Variants in NDUFV1 observed in about 807,000 individuals in gnomAD.
NDUFV1 encodes the protein NADH:ubiquinone oxidoreductase core subunit V1, also known as NADH dehydrogenase [ubiquinone] flavoprotein 1, mitochondrial.
In NDUFV1, 41 loss-of-function variants were observed where a neutral mutation model predicts 48.7. That is an observed-to-expected ratio of 0.84 (90% CI 0.66 to 1.09). The LOEUF is 1.09. Ranked by LOEUF, NDUFV1 falls within the 50% of genes least tolerant of loss-of-function variation. NDUFV1 has a pLI of 0.00. For synonymous variants in NDUFV1, 231 were observed against 259.1 expected (o/e 0.89, Z 1.04); for missense variants, 580 against 645.4 (o/e 0.90, Z 1.10).
rs11540005 is a variant in NDUFV1 at position 67,608,465 on chromosome 11, C to T, written c.142C>T (p.Arg48Cys). ...EDRIFTNLYGRHDWRLKGSLS... is the reference protein window; with the variant it reads ...EDRIFTNLYGCHDWRLKGSLS... ...CCGGATTTTCACCAACCTGTACGGC[C>T]GCCATGACTGGAGGTGAGACAGTGC... The change falls in exon 2 of 10, where the codon CGC becomes TGC. Residue 48 changes from arginine (R) to cysteine (C), a missense_variant. Coordinates refer to ENST00000322776, the MANE Select transcript of NDUFV1 (RefSeq NM_007103.4). 6.8e-5 allele frequency: 109 copies of T among 1,614,152 alleles called. No homozygotes were observed. The highest frequency in any genetic ancestry group is 1.0e-4 in the Admixed American group (6 of 60,016).
chr11:67,612,279 T>C lies in NDUFV1; in HGVS notation c.1308+14T>C. On this transcript the variant is annotated intron_variant, in intron 9 of 9. Coordinates refer to ENST00000322776, the MANE Select transcript of NDUFV1 (RefSeq NM_007103.4). This position sits in a 1 kb window ranked among gnomAD's most constrained non-coding sequence, Gnocchi z 4.4. ...TGGCCTGTGCAGGTATTCACCACCCTTCTGCGTAGCACGGAGGGTGGGTGG... is the reference window on the plus strand; with the variant it reads ...TGGCCTGTGCAGGTATTCACCACCCCTCTGCGTAGCACGGAGGGTGGGTGG... The C allele has an allele frequency of 6.2e-7, 1 of 1,613,958 alleles. No individual in the cohort carries two copies. The highest frequency in any genetic ancestry group is 8.5e-7 in the Non-Finnish European group (1 of 1,179,930).
intron 1 of NDUFV1, 34 bp from the exon 2 acceptor site, chr11:67,608,362 G>T: frequency 6.3e-7 from 1 of 1,586,962 alleles, no homozygotes; most frequent in Non-Finnish European, 8.7e-7. Flanking sequence ...TGGCCCCAGA[G>T]CACTCTGGGC....
intron 5 of NDUFV1, 194 bp downstream of exon 5, chr11:67,610,764 C>A: frequency 1.2e-6 from 1 of 817,966 alleles, no homozygotes; most frequent in Non-Finnish European, 2.0e-6. Context: ...CCCCTCCGCA[C>A]CAGTGCTGCT....
Position 67,609,493 on chromosome 11 carries a change from G to A in NDUFV1, c.368G>A (p.Gly123Asp), listed in dbSNP as rs1036769102. The A allele has an allele frequency of 2.5e-6, 4 of 1,613,642 alleles. No individual in the cohort carries two copies. In the African/African-American group the frequency reaches 5.3e-5, roughly 22 times the overall value. ...LVVNADEGEP[G>D]TCKDREILRH... ...GTGAACGCAGACGAGGGGGAGCCGG[G>A]CACCTGCAAGGACCGGGAGATCTTA... The change falls in exon 4 of 10, where the codon GGC becomes GAC. Residue 123 changes from glycine (G) to aspartate (D), a missense_variant. Transcript: ENST00000322776.
Position 67,611,616 on chromosome 11 carries a change from T to C in NDUFV1, c.1080+47T>C. The C allele has an allele frequency of 6.3e-7, 1 of 1,578,818 alleles. No individual in the cohort carries two copies. The highest frequency in any genetic ancestry group is 8.6e-7 in the Non-Finnish European group (1 of 1,162,288). On this transcript the variant is annotated intron_variant, in intron 7 of 9. Coordinates refer to ENST00000322776, the MANE Select transcript of NDUFV1 (RefSeq NM_007103.4). This position sits in a 1 kb window ranked among gnomAD's most constrained non-coding sequence, Gnocchi z 4.2. ...CTGGTCCCTGCCCTCCTGGTTGCTGTCTCCCTCCCTGGGCCTCCCAGAAAA... is the reference window on the plus strand; with the variant it reads ...CTGGTCCCTGCCCTCCTGGTTGCTGCCTCCCTCCCTGGGCCTCCCAGAAAA...
In NDUFV1 at chr11:67,611,576, G is replaced by T; in HGVS notation, c.1080+7G>T. 6.3e-7 allele frequency: 1 copy of T among 1,599,342 alleles called. No individual in the cohort carries two copies. The highest frequency in any genetic ancestry group is 1.3e-5 in the African/African-American group (1 of 74,862). On this transcript the variant is annotated splice_region_variant and intron_variant, in intron 7 of 9. Transcript: ENST00000322776. This position sits in a 1 kb window ranked among gnomAD's most constrained non-coding sequence, Gnocchi z 4.2. ...GATCGTCATGGACCGCTCGGTAAGG[G>T]TTCACACACCAGCCCTGGTCCCTGC...
chr11:67,610,634 C>T lies in NDUFV1; in HGVS notation c.700+64C>T, dbSNP rs970700573. 3.2e-6 allele frequency: 5 copies of T among 1,584,258 alleles called. No homozygotes were observed. In the African/African-American group the frequency reaches 5.4e-5, roughly 17 times the overall value. ...TGACACCCGGGATCTGGCTAGGCTC[C>T]CTTTGGATTGTTCTTAGGGATTTCT... On this transcript the variant is annotated intron_variant, in intron 5 of 9. Coordinates refer to ENST00000322776, the MANE Select transcript of NDUFV1 (RefSeq NM_007103.4).
chr11:67,607,167 C>A, intron 1 of NDUFV1, 91 bp downstream of exon 1: 1 of 1,377,280 alleles, frequency 7.3e-7, no homozygotes, highest in Non-Finnish European at 1.0e-6. Flanking sequence ...TCTGTAGTGG[C>A]CTCTGGAGAG....
In NDUFV1 at chr11:67,607,040, T is replaced by C; in HGVS notation, c.36T>C (p.Leu12=). 6.2e-7 allele frequency: 1 copy of C among 1,609,342 alleles called. No individual in the cohort carries two copies. Among genetic ancestry groups the C allele is most frequent in the South Asian group, 1.1e-5 (1 of 90,652 alleles). ...CACGGCGGCTGCTCGGCTGGTCGCT[T>C]CCCGCGCGGGTATCTGTGCGTTTCA... ...LATRRLLGWS[L]PARVSVRFSG... is the part of the protein sequence containing the mutation. The change falls in exon 1 of 10, where the codon CTT becomes CTC. Residue 12 remains leucine (L), a synonymous_variant. Transcript: ENST00000322776.
At position 67,612,315 on chromosome 11, in the gene NDUFV1, C is replaced by A; in HGVS notation, c.1308+50C>A. ...ACGGAGGGTGGGTGGCATCAAGGGC[C>A]CAGGGTGTTGGGGGATTTTTGGACT... On this transcript the variant is annotated intron_variant, in intron 9 of 9. Coordinates refer to ENST00000322776, the MANE Select transcript of NDUFV1 (RefSeq NM_007103.4). The surrounding 1 kb of genome is among the most constrained non-coding windows in gnomAD (Gnocchi z 4.4). 6.2e-7 allele frequency: 1 copy of A among 1,613,902 alleles called. No individual in the cohort carries two copies. The highest frequency in any genetic ancestry group is 8.5e-7 in the Non-Finnish European group (1 of 1,179,886).
At chr11:67,608,859 A>G (rs1445053748) in intron 3 of NDUFV1, 137 bp downstream of exon 3, 10 of 1,204,498 alleles carry the variant, frequency 8.3e-6, no homozygotes, top group Non-Finnish European at 1.2e-5. Context: ...CCTTAAATGG[A>G]TGGGACTTAC....
rs1464313083 is a variant in NDUFV1, at chr11:67,609,460, A to G, written c.335A>G (p.Tyr112Cys). The change falls in exon 4 of 10, where the codon TAT becomes TGT. Residue 112 changes from tyrosine to cysteine, a missense_variant. By Grantham distance (194) the Tyr-to-Cys change is radical. Coordinates refer to ENST00000322776, the MANE Select transcript of NDUFV1 (RefSeq NM_007103.4). ...CCTGTGGGCCCCTGCAGGCCCAAGT[A>G]TCTGGTGGTGAACGCAGACGAGGGG... ...MNKPSDGRPK[Y>C]LVVNADEGEP... The G allele has an allele frequency of 3.1e-6, 5 of 1,613,426 alleles. No individual in the cohort carries two copies. Among genetic ancestry groups the G allele is most frequent in the Non-Finnish European group, 4.2e-6 (5 of 1,179,948 alleles).
In NDUFV1 at chr11:67,611,558, A is replaced by G. The variant is rs758185609; in HGVS notation, c.1069A>G (p.Met357Val). 5.6e-6 allele frequency: 9 copies of G among 1,606,660 alleles called. No individual in the cohort carries two copies. In the African/African-American group the frequency reaches 9.4e-5, roughly 17 times the overall value. ...CCTGGGCACAGCTGCGGTGATCGTC[A>G]TGGACCGCTCGGTAAGGGTTCACAC... ...TGLGTAAVIV[M>V]DRSTDIVKAI... is the part of the protein sequence containing the mutation. The change falls in exon 7 of 10, where the codon ATG becomes GTG. Residue 357 changes from methionine (M) to valine (V), a missense_variant. Transcript: ENST00000322776. The surrounding 1 kb of genome is among the most constrained non-coding windows in gnomAD (Gnocchi z 4.2).
Position 67,609,561 on chromosome 11 carries a change from G to A in NDUFV1, c.436G>A (p.Gly146Ser). 1 of 1,612,854 alleles carries A rather than the reference G, an allele frequency of 6.2e-7. No individual in the cohort carries two copies. The highest frequency in any genetic ancestry group is 8.5e-7 in the Non-Finnish European group (1 of 1,179,878). The change falls in exon 4 of 10, where the codon GGC becomes AGC. Residue 146 changes from glycine to serine, a missense_variant. Coordinates refer to ENST00000322776, the MANE Select transcript of NDUFV1 (RefSeq NM_007103.4). ...GCTGCTGGAAGGCTGCCTGGTGGGG[G>A]GCCGGGCCATGGGCGCCCGCGCTGC... ...HKLLEGCLVG[G>S]RAMGARAAYI...
chr11:67,611,988 G>A lies in NDUFV1; in HGVS notation c.1162+10G>A, dbSNP rs1291857138. 2.5e-6 allele frequency: 4 copies of A among 1,613,710 alleles called. No individual in the cohort carries two copies. Among genetic ancestry groups the A allele is most frequent in the South Asian group, 2.2e-5 (2 of 91,070 alleles). ...ACCCCATGCCGTGAGGGTGAGCATCGGGCAGGTTGGGGGCTTGCTTGCTGT... is the reference window on the plus strand; with the variant it reads ...ACCCCATGCCGTGAGGGTGAGCATCAGGCAGGTTGGGGGCTTGCTTGCTGT... On this transcript the variant is annotated intron_variant, in intron 8 of 9. Transcript: ENST00000322776. The surrounding 1 kb of genome is among the most constrained non-coding windows in gnomAD (Gnocchi z 4.2).
intron 3 of NDUFV1, among the ~76,000 whole-genome samples, chr11:67,609,184 T>C (rs1854864856): frequency 1.3e-5 from 2 of 152,164 alleles, no homozygotes; most frequent in Non-Finnish European, 2.9e-5. Context: ...AGAATCTGGC[T>C]CTCAGGGGCA....
chr11:67,610,372 G>A lies in NDUFV1; in HGVS notation c.511-9G>A. 6.2e-7 allele frequency: 1 copy of A among 1,614,174 alleles called. No individual in the cohort carries two copies. The highest frequency in any genetic ancestry group is 2.2e-5 in the East Asian group (1 of 44,882). ...GGTGGGCTGGGAAACTCACACCTTT[G>A]TCCTGCAGGTGGCCATCCGAGAGGC... is the stretch of plus-strand genomic sequence containing the variant. On this transcript the variant is annotated splice_polypyrimidine_tract_variant and intron_variant, in intron 4 of 9. Coordinates refer to ENST00000322776, the MANE Select transcript of NDUFV1 (RefSeq NM_007103.4).
At chr11:67,607,377 G>A in intron 1 of NDUFV1, 1 of 595,484 alleles carries the variant, frequency 1.7e-6, no homozygotes, top group Non-Finnish European at 3.1e-6. Context: ...CTTGTAGGGC[G>A]TGAAGGGGTC....
At chr11:67,608,142 T>C in intron 1 of NDUFV1, 2 of 535,558 alleles carry the variant, frequency 3.7e-6, no homozygotes, top group Non-Finnish European at 6.7e-6. Context: ...ACAAGAATTA[T>C]TTGAACCTGG....
Sources: allele counts gnomAD v4.1 joint callset (sites outside exome capture counted in the v4.1 genomes callset), GRCh38; gene constraint gnomAD v4.1.1; non-coding constraint Gnocchi (gnomAD v3.1); transcripts MANE v1.5; gene names NCBI Gene and HGNC (gene_info 2026-07-23, HGNC 2026-07-21).